Variants in CELF6 observed in about 807,000 individuals in gnomAD.
CELF6 encodes the protein CUGBP Elav-like family member 6, also known as Bruno -like 6, RNA binding protein.
In CELF6, 32 loss-of-function variants were observed where a neutral mutation model predicts 53.1. That is an observed-to-expected ratio of 0.60 (90% CI 0.46 to 0.81). CELF6 has a LOEUF of 0.81. Ranked by LOEUF, CELF6 falls within the 30% of genes least tolerant of loss-of-function variation. The pLI is 0.00. For missense variants in CELF6, 539 were observed against 669.5 expected (o/e 0.81, Z 2.15); for synonymous variants, 291 against 288.8 (o/e 1.01, Z -0.08).
chr15:72,317,498 G>A (rs2088376776), intron 1 of CELF6, among the ~76,000 whole-genome samples: 1 of 152,196 alleles, frequency 6.6e-6, no homozygotes, highest in South Asian at 2.1e-4. Context: ...GGAAACTGAA[G>A]CCCAGAGAGT....
At chr15:72,314,859 T>C (rs1384787153) in intron 2 of CELF6, among the ~76,000 whole-genome samples, 3 of 152,104 alleles carry the variant, frequency 2.0e-5, no homozygotes, top group Non-Finnish European at 4.4e-5. Flanking sequence ...CCTCCCAAAG[T>C]GCTAGGATTA....
chr15:72,300,174 G>A (rs943129695), intron 3 of CELF6, among the ~76,000 whole-genome samples: 2 of 152,052 alleles, frequency 1.3e-5, no homozygotes, highest in Non-Finnish European at 2.9e-5. Flanking sequence ...GGGCAACAAA[G>A]TGAGACTCTG....
At position 72,289,555 on chromosome 15, in the gene CELF6, C is replaced by A; in HGVS notation, c.748-48G>T. On this transcript the variant is annotated intron_variant, in intron 6 of 12. Coordinates refer to ENST00000287202, the MANE Select transcript of CELF6 (RefSeq NM_052840.5). The surrounding 1 kb of genome is among the most constrained non-coding windows in gnomAD (Gnocchi z 7.6). ...GAGTGGAGGGCCAAGGGGCAGGCAG[C>A]TGCCCGTGCTCTCAGCCCCAGGCCT... 6.7e-7 allele frequency: 1 copy of A among 1,484,708 alleles called. No individual in the cohort carries two copies. The highest frequency in any genetic ancestry group is 8.9e-7 in the Non-Finnish European group (1 of 1,122,268). 92.0% of individuals were successfully genotyped at this position (1,484,708 alleles called of 1,614,324 possible). A position where few individuals can be genotyped will look rare whatever the true frequency, so the allele number is the denominator to read the frequency against.
In CELF6 at chr15:72,288,222, G is replaced by A; in HGVS notation, c.1318+86C>T. 2.9e-6 allele frequency: 4 copies of A among 1,381,498 alleles called. No individual in the cohort carries two copies. Among genetic ancestry groups the A allele is most frequent in the Non-Finnish European group, 4.1e-6 (4 of 970,928 alleles). 85.6% of individuals were successfully genotyped at this position (1,381,498 alleles called of 1,614,324 possible). A position where few individuals can be genotyped will look rare whatever the true frequency, so the allele number is the denominator to read the frequency against. ...ATACATTCAATCTCAGGAAATCACT[G>A]CATTATGGAAGGGCAATCGTAGGGT... On this transcript the variant is annotated intron_variant, in intron 11 of 12. Transcript: ENST00000287202. This position sits in a 1 kb window ranked among gnomAD's most constrained non-coding sequence, Gnocchi z 4.6.
chr15:72,289,174 C>T lies in CELF6; in HGVS notation c.994G>A (p.Asp332Asn). Reference protein sequence around the residue: ...TPQTNGQPGSDTLYNNGLSPY... With the variant: ...TPQTNGQPGSNTLYNNGLSPY... ...GAGAGCCCGTTATTGTAGAGCGTGT[C>T]GGAGCCCGGCTGGCCATTGGTCTGG... The change falls in exon 8 of 13, where the codon GAC becomes AAC. Residue 332 changes from aspartate (D) to asparagine (N), a missense_variant. This residue lies in a region of CELF6 where 358 missense variants were observed against 412.8 expected (regional missense o/e 0.87). Transcript: ENST00000287202. The surrounding 1 kb of genome is among the most constrained non-coding windows in gnomAD (Gnocchi z 7.6). The T allele has an allele frequency of 1.3e-6, 2 of 1,557,466 alleles. No individual in the cohort carries two copies. The highest frequency in any genetic ancestry group is 1.2e-5 in the South Asian group (1 of 82,084).
chr15:72,290,944 A>G (rs2087997795), intron 3 of CELF6, among the ~76,000 whole-genome samples: 2 of 152,000 alleles, frequency 1.3e-5, no homozygotes, highest in African/African-American at 4.8e-5. Context: ...CATTTTTCCT[A>G]CTACAGTTGC....
chr15:72,300,406 A>C (rs1259999664), intron 3 of CELF6, among the ~76,000 whole-genome samples: 2 of 152,086 alleles, frequency 1.3e-5, no homozygotes, highest in Non-Finnish European at 2.9e-5. Context: ...CAGTAAATAA[A>C]TAAAAATCAT....
In CELF6 at chr15:72,289,201, G is replaced by T; in HGVS notation, c.967C>A (p.Pro323Thr). The T allele has an allele frequency of 6.4e-7, 1 of 1,569,624 alleles. No individual in the cohort carries two copies. The highest frequency in any genetic ancestry group is 1.2e-5 in the South Asian group (1 of 84,216). The change falls in exon 8 of 13, where the codon CCC becomes ACC. Residue 323 changes from proline to threonine, a missense_variant. By Grantham distance (38) the Pro-to-Thr change is conservative. This residue lies in a region of CELF6 where 358 missense variants were observed against 412.8 expected (regional missense o/e 0.87). Coordinates refer to ENST00000287202, the MANE Select transcript of CELF6 (RefSeq NM_052840.5). This position sits in a 1 kb window ranked among gnomAD's most constrained non-coding sequence, Gnocchi z 7.6. ...IGVNGFGPLT[P>T]QTNGQPGSDT... The stretch of plus-strand genomic sequence containing the variant: ...GAGCCCGGCTGGCCATTGGTCTGGG[G>T]GGTCAGAGGGCCGAATCCATTGACC...
chr15:72,290,031 A>C lies in CELF6; in HGVS notation c.524-13T>G. 1.9e-6 allele frequency: 3 copies of C among 1,612,106 alleles called. No individual in the cohort carries two copies. Among genetic ancestry groups the C allele is most frequent in the Non-Finnish European group, 1.7e-6 (2 of 1,179,256 alleles). ...ACAAAGGCACAGCCTGGGGCAGGACAGAGGGAGCGGGTGGCTCAGGCCACA... is the reference window on the plus strand; with the variant it reads ...ACAAAGGCACAGCCTGGGGCAGGACCGAGGGAGCGGGTGGCTCAGGCCACA... On this transcript the variant is annotated splice_polypyrimidine_tract_variant and intron_variant, in intron 4 of 12. Coordinates refer to ENST00000287202, the MANE Select transcript of CELF6 (RefSeq NM_052840.5).
chr15:72,289,965 C>T lies in CELF6; in HGVS notation c.577G>A (p.Gly193Ser), dbSNP rs766387195. Residue 193 changes from glycine to serine, a missense_variant, in exon 5 of 13, where the codon GGT (glycine) becomes AGT (serine). Coordinates refer to ENST00000287202, the MANE Select transcript of CELF6 (RefSeq NM_052840.5). The surrounding 1 kb of genome is among the most constrained non-coding windows in gnomAD (Gnocchi z 7.6). Reference sequence around the variant, plus strand: ...GCCATGGTCCGGCTGCCGTGCAGACCCCGGATGGCCGCCTGAGCTTCCCCT... The same window carrying T: ...GCCATGGTCCGGCTGCCGTGCAGACTCCGGATGGCCGCCTGAGCTTCCCCT... Reference protein sequence around the residue: ...SQGEAQAAIRGLHGSRTMAGA... With the variant: ...SQGEAQAAIRSLHGSRTMAGA... The T allele has an allele frequency of 1.0e-5, 16 of 1,580,678 alleles. No homozygotes were observed. The highest frequency in any genetic ancestry group is 2.3e-5 in the East Asian group (1 of 42,768).
In CELF6 at chr15:72,286,287, A is replaced by G. The variant is rs556079632; in HGVS notation, c.*84T>C. 1 of 152,756 alleles carries G rather than the reference A, an allele frequency of 6.5e-6. No homozygotes were observed. Among genetic ancestry groups the G allele is most frequent in the African/African-American group, 2.4e-5 (1 of 41,472 alleles). 9.5% of individuals were successfully genotyped at this position (152,756 alleles called of 1,614,324 possible). A position where few individuals can be genotyped will look rare whatever the true frequency, so the allele number is the denominator to read the frequency against. On this transcript the variant is annotated 3_prime_UTR_variant, in exon 13 of 13. Coordinates refer to ENST00000287202, the MANE Select transcript of CELF6 (RefSeq NM_052840.5). ...TCCGTCCGCAGCTGCTCCTTCGGGAAGGGCTGCTCAAGCGTTTCTGTGCTT... is the reference window on the plus strand; with the variant it reads ...TCCGTCCGCAGCTGCTCCTTCGGGAGGGGCTGCTCAAGCGTTTCTGTGCTT...
In CELF6 at chr15:72,288,826, G is replaced by A. The variant is rs771241206; in HGVS notation, c.1093+42C>T. 1.1e-5 allele frequency: 16 copies of A among 1,522,126 alleles called. No homozygotes were observed. The highest frequency in any genetic ancestry group is 1.4e-5 in the Non-Finnish European group (16 of 1,120,952). The allele number at this position is 1,522,126 out of a possible 1,614,324, so 94.3% of individuals were successfully genotyped here. On this transcript the variant is annotated intron_variant, in intron 9 of 12. Transcript: ENST00000287202. The surrounding 1 kb of genome is among the most constrained non-coding windows in gnomAD (Gnocchi z 4.6). ...CACAACTCTCCCTATTTCTTTCTAG[G>A]GCCCTTCAACCTCCCCCAGGCCGCG...
Position 72,320,099 on chromosome 15 carries a change from A to G in CELF6, c.-225T>C. The G allele has an allele frequency of 3.1e-6, 2 of 650,586 alleles. No homozygotes were observed. The highest frequency in any genetic ancestry group is 3.0e-5 in the South Asian group (2 of 66,038). 40.3% of individuals were successfully genotyped at this position (650,586 alleles called of 1,614,324 possible). ...CGGGCCCGGGCCGAGGTGGCGGCTGAACGCTGGGGTCTGGCTTGAGGTCCC... is the reference window on the plus strand; with the variant it reads ...CGGGCCCGGGCCGAGGTGGCGGCTGGACGCTGGGGTCTGGCTTGAGGTCCC... On this transcript the variant is annotated 5_prime_UTR_variant, in exon 1 of 13. Coordinates refer to ENST00000287202, the MANE Select transcript of CELF6 (RefSeq NM_052840.5).
rs1351497551 is a variant in CELF6 at position 72,304,805 on chromosome 15, TC to T, written c.346-12del. Reference sequence around the variant, plus strand: ...GATCGGACGATTCATCTGAAAGACATCGGACCAACACACCCATTCAGCGTGA... The same window carrying T: ...GATCGGACGATTCATCTGAAAGACATGGACCAACACACCCATTCAGCGTGA... On this transcript the variant is annotated splice_polypyrimidine_tract_variant and intron_variant, in intron 2 of 12. Transcript: ENST00000287202. 7 of 1,614,078 alleles carry T rather than the reference TC, an allele frequency of 4.3e-6. No homozygotes were observed.
At chr15:72,306,364 AT>A (rs1487728472) in intron 2 of CELF6, 3 of 921,936 alleles carry the variant, frequency 3.3e-6, no homozygotes, top group Non-Finnish European at 3.9e-6. Context: ...CCCTCAGGAA[AT>A]GCTCTGCTTC....
chr15:72,295,624 G>A (rs1387442159), intron 3 of CELF6, among the ~76,000 whole-genome samples: 2 of 150,928 alleles, frequency 1.3e-5, no homozygotes, highest in Admixed American at 6.6e-5. Flanking sequence ...AGCTACTCAG[G>A]AGGCTGAGGC....
At chr15:72,293,472 G>T (rs2088033431) in intron 3 of CELF6, among the ~76,000 whole-genome samples, 1 of 152,162 alleles carries the variant, frequency 6.6e-6, no homozygotes, top group Non-Finnish European at 1.5e-5. Context: ...CGCTACAAGA[G>T]GCAAGTCAGA....
chr15:72,309,259 T>C (rs1315230783), intron 2 of CELF6, among the ~76,000 whole-genome samples: 1 of 152,128 alleles, frequency 6.6e-6, no homozygotes, highest in Admixed American at 6.6e-5. Context: ...TTTTGTCTTA[T>C]GAAGGATCCC....
intron 2 of CELF6, among the ~76,000 whole-genome samples, chr15:72,305,774 T>C (rs538609477): frequency 6.6e-6 from 1 of 152,210 alleles, no homozygotes; most frequent in East Asian, 1.9e-4. Context: ...CAGAGCCATG[T>C]TACCAGCTGC....
Sources: gnomAD v4.1 joint callset for allele counts (sites outside exome capture counted in the v4.1 genomes callset) on GRCh38, gnomAD v4.1.1 for gene constraint, gnomAD v4.1.1 regional missense constraint, Gnocchi (gnomAD v3.1) non-coding constraint, MANE v1.5 for transcripts, NCBI Gene and HGNC (gene_info 2026-07-23, HGNC 2026-07-21) for gene names.